The following TRMT61B variants were observed in gnomAD, a reference collection of about 807,000 sequenced individuals.
The protein encoded by TRMT61B is tRNA methyltransferase 61B, also known as tRNA (adenine(58)-N(1))-methyltransferase, mitochondrial.
Under a neutral mutation model 52.0 loss-of-function variants are expected in TRMT61B, and 56 were observed. That is an observed-to-expected ratio of 1.08 (90% CI 0.87 to 1.35). TRMT61B has a LOEUF of 1.35. Among genes scored for constraint, TRMT61B ranks in the 40% most tolerant of loss-of-function variants. TRMT61B has a pLI of 0.00. For synonymous variants in TRMT61B, 206 were observed against 220.0 expected (o/e 0.94, Z 0.56); for missense variants, 650 against 577.9 (o/e 1.12, Z -1.28).
intron 3 of TRMT61B, among the ~76,000 whole-genome samples, chr2:28,854,772 C>T (rs1472182923): frequency 1.0e-5 from 1 of 96,454 alleles, no homozygotes; most frequent in Non-Finnish European, 2.0e-5. Context: ...AAAAAAAAAA[C>T]TGCCAGGCGT....
At chr2:28,859,942 TTA>T (rs1669525989) in intron 3 of TRMT61B, among the ~76,000 whole-genome samples, 1 of 152,018 alleles carries the variant, frequency 6.6e-6, no homozygotes, top group Non-Finnish European at 1.5e-5. Flanking sequence ...ACTATAGGTT[TTA>T]GTTATATCAG....
intron 3 of TRMT61B, among the ~76,000 whole-genome samples, chr2:28,857,918 GC>G (rs1181768656): frequency 6.6e-6 from 1 of 152,058 alleles, no homozygotes; most frequent in East Asian, 1.9e-4. Flanking sequence ...CTCTTATAAT[GC>G]TTTTTCCACC....
chr2:28,862,331 TG>T (rs1669640677), intron 2 of TRMT61B, among the ~76,000 whole-genome samples: 2 of 106,972 alleles, frequency 1.9e-5, no homozygotes, highest in African/African-American at 6.8e-5. Context: ...TTTTTGAGTT[TG>T]GTTTTTTTTT....
chr2:28,850,270 T>C (rs760704272), intron 6 of TRMT61B, 28 bp from the exon 7 acceptor site: 45 of 1,605,496 alleles, frequency 2.8e-5, no homozygotes, highest in Non-Finnish European at 3.8e-5. Flanking sequence ...AAACATAAAG[T>C]CATTATATTA....
At chr2:28,862,332 G>GA (rs1558346691) in intron 2 of TRMT61B, among the ~76,000 whole-genome samples, 2 of 61,840 alleles carry the variant, frequency 3.2e-5, no homozygotes, top group Non-Finnish European at 7.2e-5. Flanking sequence ...TTTTGAGTTT[G>GA]GTTTTTTTTT....
In TRMT61B at chr2:28,849,902, A is replaced by G; in HGVS notation, c.*297T>C. 1 of 1,595,258 alleles carries G rather than the reference A, an allele frequency of 6.3e-7. No homozygotes were observed. The highest frequency in any genetic ancestry group is 8.5e-7 in the Non-Finnish European group (1 of 1,175,012). On this transcript the variant is annotated 3_prime_UTR_variant, in exon 7 of 7. Coordinates refer to ENST00000306108, the MANE Select transcript of TRMT61B (RefSeq NM_017910.4). ...GAAAGAAAACTAATTTCTTGAAGAA[A>G]GACAAATCTATGGAGTGGTTTACAG...
At chr2:28,864,608 G>A (rs1669749428) in intron 2 of TRMT61B, among the ~76,000 whole-genome samples, 1 of 152,114 alleles carries the variant, frequency 6.6e-6, no homozygotes, top group South Asian at 2.1e-4. Context: ...AGGACTGGGA[G>A]GGGACATGAG....
In TRMT61B at chr2:28,869,719, C is replaced by T. The variant is rs147612214; in HGVS notation, c.559G>A (p.Val187Ile). The T allele has an allele frequency of 6.2e-7, 1 of 1,614,208 alleles. No individual in the cohort carries two copies. The highest frequency in any genetic ancestry group is 8.5e-7 in the Non-Finnish European group (1 of 1,180,030). ...FGLLNSNWGA[V>I]PFGKIVGKFP... ...TTCCCCACGATCTTGCCGAACGGGACTGCCCCCCAGTTACTATTTAAGAGT... is the reference window on the plus strand; with the variant it reads ...TTCCCCACGATCTTGCCGAACGGGATTGCCCCCCAGTTACTATTTAAGAGT... Residue 187 changes from valine to isoleucine, a missense_variant, in exon 1 of 7, where the codon GTC becomes ATC. Physicochemically the swap from Val to Ile is conservative, Grantham distance 29. Coordinates refer to ENST00000306108, the MANE Select transcript of TRMT61B (RefSeq NM_017910.4).
At position 28,870,185 on chromosome 2, in the gene TRMT61B, G is replaced by A. The variant is rs757775726; in HGVS notation, c.93C>T (p.Pro31=). ...NSFLHGLGQE[P]FEGARSLCCR... ...AACACAGTGACCGAGCTCCCTCGAA[G>A]GGCTCCTGCCCCAGGCCGTGCAGGA... The change falls in exon 1 of 7, where the codon CCC becomes CCT. Residue 31 remains proline (P), a synonymous_variant. Transcript: ENST00000306108. The A allele has an allele frequency of 1.3e-5, 21 of 1,613,142 alleles. No individual in the cohort carries two copies. The highest frequency in any genetic ancestry group is 8.5e-7 in the Non-Finnish European group (1 of 1,180,048).
Position 28,850,111 on chromosome 2 carries a change from T to C in TRMT61B, c.*88A>G. 1 of 1,321,504 alleles carries C rather than the reference T, an allele frequency of 7.6e-7. No homozygotes were observed. Among genetic ancestry groups the C allele is most frequent in the Non-Finnish European group, 1.1e-6 (1 of 937,652 alleles). 81.9% of individuals were successfully genotyped at this position (1,321,504 alleles called of 1,614,324 possible). Reference sequence around the variant, plus strand: ...TATAAGTCATAGTAATAGCTAAAAATGCCAATCTATGGAAGCAGTGATTTT... The same window carrying C: ...TATAAGTCATAGTAATAGCTAAAAACGCCAATCTATGGAAGCAGTGATTTT... On this transcript the variant is annotated 3_prime_UTR_variant, in exon 7 of 7. Coordinates refer to ENST00000306108, the MANE Select transcript of TRMT61B (RefSeq NM_017910.4).
chr2:28,852,165 C>T (rs11690571), intron 4 of TRMT61B, among the ~76,000 whole-genome samples: 83,944 of 149,930 alleles, frequency 0.56, 24,498 homozygotes, highest in East Asian at 0.94. Context: ...TAGAAAAAAT[C>T]AGCCGGGCGT....
intron 2 of TRMT61B, among the ~76,000 whole-genome samples, chr2:28,862,743 C>A (rs1034977651): frequency 9.9e-5 from 15 of 151,254 alleles, no homozygotes; most frequent in Non-Finnish European, 1.9e-4. Context: ...GTAATCCCAG[C>A]ACTTTGGGAG....
Position 28,869,966 on chromosome 2 carries a change from G to T in TRMT61B, c.312C>A (p.Asp104Glu), listed in dbSNP as rs758028448. Residue 104 changes from aspartate (D) to glutamate (E), a missense_variant, in exon 1 of 7, where the codon GAC (aspartate) becomes GAA (glutamate). By Grantham distance (45) the Asp-to-Glu change is conservative (BLOSUM62 2). Coordinates refer to ENST00000306108, the MANE Select transcript of TRMT61B (RefSeq NM_017910.4). ...CGCACCGGCCCTGGTCTCCGCTCGA[G>T]TCCTCGAGCTCTCGAGGGGATGACT... ...REESSPRELE[D>E]SSGDQGRCGP... 1 of 1,613,774 alleles carries T rather than the reference G, an allele frequency of 6.2e-7. No individual in the cohort carries two copies. The highest frequency in any genetic ancestry group is 8.5e-7 in the Non-Finnish European group (1 of 1,179,990).
chr2:28,868,679 T>C (rs572496355), intron 1 of TRMT61B, among the ~76,000 whole-genome samples: 6 of 152,344 alleles, frequency 3.9e-5, no homozygotes, highest in African/African-American at 1.4e-4. Flanking sequence ...GGACTGTGAC[T>C]AAGGATTGAA....
In TRMT61B at chr2:28,870,280, T is replaced by A; in HGVS notation, c.-3A>T. ...CCGCGGCACCATGCCATTAGCATAGTGTTTCGCGAAGGCGCCGTCGCAGAC... is the reference window on the plus strand; with the variant it reads ...CCGCGGCACCATGCCATTAGCATAGAGTTTCGCGAAGGCGCCGTCGCAGAC... On this transcript the variant is annotated 5_prime_UTR_variant, in exon 1 of 7. Transcript: ENST00000306108. The A allele has an allele frequency of 6.5e-7, 1 of 1,547,212 alleles. No individual in the cohort carries two copies. Among genetic ancestry groups the A allele is most frequent in the Non-Finnish European group, 8.7e-7 (1 of 1,150,458 alleles).
intron 5 of TRMT61B, chr2:28,850,635 A>T (rs1179552718): frequency 2.4e-6 from 1 of 424,404 alleles, no homozygotes; most frequent in Non-Finnish European, 4.1e-6. Flanking sequence ...TCATAAATCA[A>T]CTGATACTTG....
intron 2 of TRMT61B, among the ~76,000 whole-genome samples, chr2:28,864,672 T>C (rs1206693370): frequency 6.6e-6 from 1 of 152,204 alleles, no homozygotes; most frequent in Non-Finnish European, 1.5e-5. Context: ...AATAAGTACA[T>C]GAGTGGTCAC....
chr2:28,856,578 A>G (rs1669350305), intron 3 of TRMT61B, among the ~76,000 whole-genome samples: 1 of 152,054 alleles, frequency 6.6e-6, no homozygotes, highest in African/African-American at 2.4e-5. Flanking sequence ...ATGGTGTTTT[A>G]TACTTCTGAG....
chr2:28,858,661 G>A (rs112735319), intron 3 of TRMT61B, among the ~76,000 whole-genome samples: 3 of 151,388 alleles, frequency 2.0e-5, no homozygotes, highest in African/African-American at 7.2e-5. Flanking sequence ...CAGCCATGGT[G>A]GCGGGCGCCC....
Sources: gnomAD v4.1 joint callset for allele counts (sites outside exome capture counted in the v4.1 genomes callset) on GRCh38, gnomAD v4.1.1 for gene constraint, MANE v1.5 for transcripts, NCBI Gene and HGNC (gene_info 2026-07-23, HGNC 2026-07-21) for gene names.